The following CHD1 variants were observed in gnomAD, a reference collection of about 807,000 sequenced individuals.
CHD1 encodes the protein ATP-dependent chromatin remodeler CHD1.
Under a neutral mutation model 224.2 loss-of-function variants are expected in CHD1, and 36 were observed. The ratio of observed to expected loss-of-function variants is 0.16; its 90% CI spans 0.12 to 0.21. The LOEUF (loss-of-function observed/expected upper bound fraction) is 0.21, where lower values mean the gene tolerates loss of function less well. CHD1 is among the 10% of genes least tolerant of loss of function. CHD1 has a pLI of 1.00. For missense variants in CHD1, 1,378 were observed against 1,994.8 expected (o/e 0.69, Z 5.89); for synonymous variants, 668 against 658.3 (o/e 1.01, Z -0.23).
At chr5:98,878,383 A>T (rs952876478) in intron 23 of CHD1, among the ~76,000 whole-genome samples, 13 of 152,250 alleles carry the variant, frequency 8.5e-5, no homozygotes, top group Non-Finnish European at 1.6e-4. Context: ...CCTTCGGGGA[A>T]TGGTAGCAGG....
chr5:98,879,555 T>C lies in CHD1; in HGVS notation c.3234A>G (p.Lys1078=). ...YMLPRMRNCA[K]QISFNGSEGR... ...ATCTTTAAAATTGCAAAATCACCTGTTTTGCACAATTTCTCATTCTTGGGA... is the reference window on the plus strand; with the variant it reads ...ATCTTTAAAATTGCAAAATCACCTGCTTTGCACAATTTCTCATTCTTGGGA... Residue 1078 remains lysine, a synonymous_variant, in exon 23 of 36, where the codon AAA becomes AAG. Coordinates refer to ENST00000614616, the MANE Select transcript of CHD1 (RefSeq NM_001270.4). 6.3e-7 allele frequency: 1 copy of C among 1,588,686 alleles called. No individual in the cohort carries two copies. Among genetic ancestry groups the C allele is most frequent in the South Asian group, 1.2e-5 (1 of 85,128 alleles).
Position 98,904,058 on chromosome 5 carries a change from AAT to A in CHD1, c.256-152_256-151del, listed in dbSNP as rs371893631. ...CTATATGTAACACAATTATCATTGC[AAT>A]ATAGTTAAATAAAATGCTGAGCTCT... is the stretch of plus-strand genomic sequence containing the variant. On this transcript the variant is annotated intron_variant, in intron 3 of 35. Coordinates refer to ENST00000614616, the MANE Select transcript of CHD1 (RefSeq NM_001270.4). 6.0e-4 allele frequency: 350 copies of A among 578,836 alleles called. No individual in the cohort carries two copies. The African/African-American group carries it at 6.1e-3, about 10-fold the overall frequency. The allele number at this position is 578,836 out of a possible 1,614,324, so 35.9% of individuals were successfully genotyped here. A position where few individuals can be genotyped will look rare whatever the true frequency, so the allele number is the denominator to read the frequency against.
At chr5:98,886,108 T>C (rs1437675651) in intron 17 of CHD1, 1 of 153,502 alleles carries the variant, frequency 6.5e-6, no homozygotes, top group African/African-American at 2.4e-5. Context: ...TAGAACAGCA[T>C]TAGTGTCACC....
intron 31 of CHD1, among the ~76,000 whole-genome samples, chr5:98,866,567 T>C (rs1004051326): frequency 2.0e-5 from 3 of 152,136 alleles, no homozygotes; most frequent in African/African-American, 4.8e-5. Flanking sequence ...CTTTGAAGTA[T>C]AGCATTTGAT....
At chr5:98,897,585 G>GTATT (rs750993680) in intron 10 of CHD1, among the ~76,000 whole-genome samples, 2 of 152,120 alleles carry the variant, frequency 1.3e-5, no homozygotes, top group African/African-American at 2.4e-5. Context: ...TGAGTCTCAT[G>GTATT]TATTTCACAA....
At chr5:98,876,141 T>C (rs982929424) in intron 24 of CHD1, among the ~76,000 whole-genome samples, 15 of 152,314 alleles carry the variant, frequency 9.8e-5, no homozygotes, top group African/African-American at 3.4e-4. Flanking sequence ...AGGATCACTA[T>C]TGAGTCAAAT....
chr5:98,901,329 A>G lies in CHD1; in HGVS notation c.444T>C (p.Asp148=), dbSNP rs770517610. ...EVKRKKHKDE[D]WQMSGSGSPS... ...GAGATCCTGACCCAGACATTTGCCA[A>G]TCTTCACTGCAGACAAAATTTATAA... Residue 148 remains aspartate (D), a synonymous_variant, in exon 6 of 36, where the codon GAT becomes GAC. Coordinates refer to ENST00000614616, the MANE Select transcript of CHD1 (RefSeq NM_001270.4). The G allele has an allele frequency of 1.2e-6, 2 of 1,604,800 alleles. No homozygotes were observed. Among genetic ancestry groups the G allele is most frequent in the South Asian group, 1.1e-5 (1 of 88,626 alleles).
At chr5:98,874,267 G>A (rs1360200592) in intron 25 of CHD1, among the ~76,000 whole-genome samples, 1 of 151,910 alleles carries the variant, frequency 6.6e-6, no homozygotes, top group Admixed American at 6.6e-5. Context: ...TTCAGACAGT[G>A]GGTTGGCCAC....
At chr5:98,922,811 A>G (rs1321996648) in intron 2 of CHD1, among the ~76,000 whole-genome samples, 5 of 152,286 alleles carry the variant, frequency 3.3e-5, no homozygotes, top group African/African-American at 2.4e-5. Context: ...CAACATGACG[A>G]AACACCGTCT....
intron 31 of CHD1, among the ~76,000 whole-genome samples, chr5:98,866,989 T>C (rs1198821659): frequency 2.0e-5 from 3 of 152,194 alleles, no homozygotes; most frequent in Non-Finnish European, 2.9e-5. Flanking sequence ...TGAGCTTTTC[T>C]GAAGACAGCA....
chr5:98,924,344 T>C (rs1011117991), intron 2 of CHD1, among the ~76,000 whole-genome samples: 1 of 152,254 alleles, frequency 6.6e-6, no homozygotes, highest in Non-Finnish European at 1.5e-5. Flanking sequence ...CTATAGAGAT[T>C]TGAATCAAAG....
chr5:98,857,009 A>T (rs1406022797), intron 35 of CHD1, among the ~76,000 whole-genome samples: 1 of 152,140 alleles, frequency 6.6e-6, no homozygotes, highest in African/African-American at 2.4e-5. Flanking sequence ...TATTTTACAC[A>T]TCATTTATAT....
intron 2 of CHD1, among the ~76,000 whole-genome samples, chr5:98,909,766 T>C (rs954015284): frequency 6.6e-6 from 1 of 152,190 alleles, no homozygotes; most frequent in Admixed American, 6.5e-5. Flanking sequence ...AATAATTTTT[T>C]AAGTCCCATT....
At chr5:98,903,670 C>A in intron 4 of CHD1, 122 bp downstream of exon 4, 1 of 791,806 alleles carries the variant, frequency 1.3e-6, no homozygotes, top group South Asian at 1.4e-5. Flanking sequence ...GATATATACA[C>A]TTAAAGTATT....
At chr5:98,917,031 A>T (rs1580521317) in intron 2 of CHD1, among the ~76,000 whole-genome samples, 1 of 152,280 alleles carries the variant, frequency 6.6e-6, no homozygotes, top group East Asian at 1.9e-4. Context: ...AAAAACAAAA[A>T]GACTCCTTGT....
intron 28 of CHD1, among the ~76,000 whole-genome samples, chr5:98,871,578 T>C (rs1004727957): frequency 6.6e-6 from 1 of 151,904 alleles, no homozygotes; most frequent in Non-Finnish European, 1.5e-5. Flanking sequence ...GATAGGTGAG[T>C]AGGGTGACTA....
chr5:98,888,043 G>A (rs747490652), intron 17 of CHD1, 45 bp downstream of exon 17: 3 of 1,277,910 alleles, frequency 2.3e-6, no homozygotes, highest in South Asian at 1.5e-5. Context: ...AATATGCACA[G>A]GAATTAGATA....
At chr5:98,883,027 T>G (rs1484137228) in intron 19 of CHD1, 61 bp downstream of exon 19, 1 of 1,067,572 alleles carries the variant, frequency 9.4e-7, no homozygotes, top group Non-Finnish European at 1.3e-6. Flanking sequence ...CTGAAATCAC[T>G]TCCAAAAAAA....
In CHD1 at chr5:98,893,502, G is replaced by T; in HGVS notation, c.1905C>A (p.Ser635=). The T allele has an allele frequency of 6.2e-7, 1 of 1,611,180 alleles. No homozygotes were observed. The highest frequency in any genetic ancestry group is 8.5e-7 in the Non-Finnish European group (1 of 1,178,000). Residue 635 remains serine (S), a synonymous_variant, in exon 14 of 36, where the codon TCC becomes TCA. Coordinates refer to ENST00000614616, the MANE Select transcript of CHD1 (RefSeq NM_001270.4). ...TTCCAGTGATAAGGAGACGATGATT[G>T]GATTTAAAATCTATTAAAGTTTTAT... is the stretch of plus-strand genomic sequence containing the variant. ...LLYKTLIDFK[S]NHRLLITGTP... is the part of the protein sequence containing the mutation.
Sources: allele counts gnomAD v4.1 joint callset (sites outside exome capture counted in the v4.1 genomes callset), GRCh38; gene constraint gnomAD v4.1.1; transcripts MANE v1.5; gene names NCBI Gene and HGNC (gene_info 2026-07-23, HGNC 2026-07-21).